MTFR1: variants seen among roughly 807,000 people sequenced by gnomAD.
MTFR1 encodes mitochondrial fission regulator 1, also known as chondrocyte protein with a poly-proline region.
Under a neutral mutation model 38.8 loss-of-function variants are expected in MTFR1, and 28 were observed. The ratio of observed to expected loss-of-function variants is 0.72; its 90% confidence interval spans 0.53 to 0.99. The LOEUF (loss-of-function observed/expected upper bound fraction) is 0.99. Among genes scored for constraint, MTFR1 ranks in the 50% least tolerant of loss-of-function variants. MTFR1 has a pLI of 0.00. For synonymous variants in MTFR1, 145 were observed against 137.0 expected (o/e 1.06, Z -0.41); for missense variants, 358 against 395.5 (o/e 0.91, Z 0.81).
intron 1 of MTFR1, among the ~76,000 whole-genome samples, chr8:65,662,050 T>A (rs1391955473): frequency 1.5e-5 from 1 of 68,292 alleles, no homozygotes; most frequent in Non-Finnish European, 3.0e-5. Flanking sequence ...TCCCTCTCTC[T>A]CTCCCTCTCT....
intron 1 of MTFR1, among the ~76,000 whole-genome samples, chr8:65,654,077 A>G (rs1413377153): frequency 1.3e-5 from 2 of 151,886 alleles, no homozygotes; most frequent in Non-Finnish European, 2.9e-5. Flanking sequence ...AAAAAAAAAA[A>G]AAAAAGGAAA....
chr8:65,676,825 C>G (rs1383445748), intron 2 of MTFR1, among the ~76,000 whole-genome samples: 7 of 152,096 alleles, frequency 4.6e-5, no homozygotes, highest in Non-Finnish European at 1.5e-5. Context: ...AGATTCCAGC[C>G]TCACACGTCA....
intron 1 of MTFR1, among the ~76,000 whole-genome samples, chr8:65,659,258 T>G (rs1429247388): frequency 1.3e-5 from 2 of 152,078 alleles, no homozygotes; most frequent in African/African-American, 4.8e-5. Flanking sequence ...TTGGTTAGTG[T>G]CTGTTGGATA....
chr8:65,658,595 AATACACACACATGTGTGCATGCACAT>A (rs1348052584), intron 1 of MTFR1, among the ~76,000 whole-genome samples: 1 of 152,182 alleles, frequency 6.6e-6, no homozygotes, highest in Non-Finnish European at 1.5e-5. Flanking sequence ...GTAGGAATTG[AATACACACACATGTGTGCATGCACAT>A]ATACACACAC....
At chr8:65,741,810 T>C (rs1330128966) in intron 3 of MTFR1, among the ~76,000 whole-genome samples, 1 of 152,226 alleles carries the variant, frequency 6.6e-6, no homozygotes, top group Non-Finnish European at 1.5e-5. Flanking sequence ...AAATTGTTTT[T>C]CAAATGTAAC....
intron 4 of MTFR1, among the ~76,000 whole-genome samples, chr8:65,697,467 T>G (rs962042865): frequency 3.3e-5 from 5 of 152,246 alleles, no homozygotes; most frequent in African/African-American, 1.2e-4. Context: ...TTGATCCTTT[T>G]TAATTGCTCA....
chr8:65,660,312 CAA>C (rs368007051), intron 1 of MTFR1, among the ~76,000 whole-genome samples: 2 of 129,442 alleles, frequency 1.5e-5, no homozygotes, highest in Admixed American at 8.0e-5. Flanking sequence ...AAAAAAAAGA[CAA>C]AAAAAAAACC....
intron 3 of MTFR1, chr8:65,721,849 C>T (rs1563468571): frequency 2.8e-5 from 4 of 144,740 alleles, no homozygotes. Flanking sequence ...CATTCTGTCA[C>T]CCAGGCTGGA....
At chr8:65,710,944 CTA>C (rs1805925741), downstream of MTFR1, among the ~76,000 whole-genome samples, 2 of 151,062 alleles carry the variant, frequency 1.3e-5, no homozygotes, top group Admixed American at 6.6e-5. Context: ...ACTAACTTTC[CTA>C]TGTTTTGTCT....
At chr8:65,755,637 TAAGTAA>T (rs1241705252) in intron 3 of MTFR1, among the ~76,000 whole-genome samples, 2 of 152,236 alleles carry the variant, frequency 1.3e-5, no homozygotes, top group East Asian at 1.9e-4. Context: ...TTAAATCATA[TAAGTAA>T]AAGAGGTGTT....
At chr8:65,750,474 C>CTGTGTGTGTT (rs1554559621) in intron 3 of MTFR1, among the ~76,000 whole-genome samples, 1 of 142,626 alleles carries the variant, frequency 7.0e-6, no homozygotes, top group African/African-American at 2.6e-5. Context: ...ATTAGAATCA[C>CTGTGTGTGTT]TGTGTGTGTG....
At position 65,709,032 on chromosome 8, in the gene MTFR1, A is replaced by G. The variant is rs1392944463; in HGVS notation, c.990A>G (p.Val330=). The change falls in exon 8 of 8, where the codon GTA becomes GTG. Residue 330 remains valine, a synonymous_variant. Coordinates refer to ENST00000262146, the MANE Select transcript of MTFR1 (RefSeq NM_014637.4). The part of the protein sequence containing the change: ...TGKMKALIEN[V]SDS ...AAATGAAGGCTTTAATTGAAAATGTATCAGACTCCTAATAGACAATGAGCT... is the reference window on the plus strand; with the variant it reads ...AAATGAAGGCTTTAATTGAAAATGTGTCAGACTCCTAATAGACAATGAGCT... 7 of 1,613,988 alleles carry G rather than the reference A, an allele frequency of 4.3e-6. No homozygotes were observed. Among genetic ancestry groups the G allele is most frequent in the Middle Eastern group, 3.3e-4 (2 of 6,062 alleles).
intron 3 of MTFR1, among the ~76,000 whole-genome samples, chr8:65,734,575 C>T (rs1299224007): frequency 1.3e-5 from 2 of 152,168 alleles, no homozygotes; most frequent in South Asian, 4.1e-4. Flanking sequence ...CTGGCCCTTG[C>T]TTGGGCTTCT....
At chr8:65,749,556 C>A (rs1363984369) in intron 3 of MTFR1, among the ~76,000 whole-genome samples, 1 of 152,138 alleles carries the variant, frequency 6.6e-6, no homozygotes, top group East Asian at 1.9e-4. Context: ...TATGTTTAAA[C>A]TAGAATTGGT....
rs779292997 is a variant in MTFR1, at chr8:65,670,007, A to G, written c.55A>G (p.Ser19Gly). 3 of 1,605,090 alleles carry G rather than the reference A, an allele frequency of 1.9e-6. No homozygotes were observed. In the African/African-American group the frequency reaches 4.0e-5, roughly 22 times the overall value. The stretch of plus-strand genomic sequence containing the variant: ...GATGGTTTTTCAACAAGTTGGAGTA[A>G]GCATGCAATCGGTGAGTGCTCAAAA... Reference protein sequence around the residue: ...IRMVFQQVGVSMQSVLWSRKP... With the variant: ...IRMVFQQVGVGMQSVLWSRKP... Residue 19 changes from serine to glycine, a missense_variant, in exon 2 of 8, where the codon AGC becomes GGC. Coordinates refer to ENST00000262146, the MANE Select transcript of MTFR1 (RefSeq NM_014637.4).
intron 3 of MTFR1, among the ~76,000 whole-genome samples, chr8:65,686,659 A>T (rs1336267261): frequency 2.8e-5 from 4 of 141,422 alleles, no homozygotes; most frequent in African/African-American, 1.1e-4. Flanking sequence ...GGGGTGGCTC[A>T]CACCTATAAT....
intron 3 of MTFR1, chr8:65,724,643 G>A (rs761818485): frequency 4.1e-6 from 3 of 739,748 alleles, no homozygotes; most frequent in East Asian, 2.7e-5. Flanking sequence ...AGGAGTGTGC[G>A]CTAATTGAAG....
chr8:65,647,424 T>C (rs1396491273), intron 1 of MTFR1, among the ~76,000 whole-genome samples: 1 of 152,240 alleles, frequency 6.6e-6, no homozygotes, highest in African/African-American at 2.4e-5. Context: ...GCGATTCTCC[T>C]GCCTCAGCCT....
chr8:65,669,574 C>CA (rs1804502586), intron 1 of MTFR1, among the ~76,000 whole-genome samples: 1 of 149,830 alleles, frequency 6.7e-6, no homozygotes, highest in Admixed American at 6.7e-5. Flanking sequence ...TTTTTTGAGA[C>CA]AGAGTCTCGC....
Sources: gnomAD v4.1 joint callset for allele counts (sites outside exome capture counted in the v4.1 genomes callset) on GRCh38, gnomAD v4.1.1 for gene constraint, MANE v1.5 for transcripts, NCBI Gene and HGNC (gene_info 2026-07-23, HGNC 2026-07-21) for gene names.